Variants in PCDH15 observed in about 807,000 individuals in gnomAD.
PCDH15 encodes the protein protocadherin related 15.
In PCDH15, 129 loss-of-function variants were observed where a neutral mutation model predicts 178.5. That is an observed-to-expected ratio of 0.72 (90% CI 0.63 to 0.84). The LOEUF is 0.84. Among genes scored for constraint, PCDH15 ranks in the 40% least tolerant of loss-of-function variants. The pLI is 0.00. For synonymous variants in PCDH15, 800 were observed against 732.0 expected (o/e 1.09, Z -1.50); for missense variants, 2,230 against 2,099.9 (o/e 1.06, Z -1.21).
At chr10:55,168,624 C>T (rs760159281) in intron 1 of PCDH15, among the ~76,000 whole-genome samples, 10 of 152,196 alleles carry the variant, frequency 6.6e-5, no homozygotes, top group Middle Eastern at 3.4e-3. Flanking sequence ...CAGTGGGTGG[C>T]TTATGATTTC....
intron 3 of PCDH15, among the ~76,000 whole-genome samples, chr10:54,895,729 A>T (rs545434504): frequency 6.6e-6 from 1 of 152,348 alleles, no homozygotes; most frequent in Non-Finnish European, 1.5e-5. Context: ...TTTGGGAACC[A>T]AAGAAACAAT....
At chr10:55,581,010 C>T (rs1003840702) in intron 2 of PCDH15, among the ~76,000 whole-genome samples, 9 of 152,168 alleles carry the variant, frequency 5.9e-5, no homozygotes, top group Admixed American at 4.6e-4. Context: ...ATCCAATTCT[C>T]TGAAGATGCA....
At chr10:54,035,813 C>G (rs979209643) in intron 18 of PCDH15, among the ~76,000 whole-genome samples, 1 of 151,934 alleles carries the variant, frequency 6.6e-6, no homozygotes, top group Non-Finnish European at 1.5e-5. Flanking sequence ...AAAACTTGGC[C>G]TCTTGTGCCA....
chr10:53,899,927 G>C (rs1471151362), intron 26 of PCDH15, among the ~76,000 whole-genome samples: 2 of 152,064 alleles, frequency 1.3e-5, no homozygotes, highest in Non-Finnish European at 2.9e-5. Flanking sequence ...CTATCACTCA[G>C]ATACGCTCTG....
At chr10:55,478,931 C>A (rs10825524) in intron 2 of PCDH15, among the ~76,000 whole-genome samples, 1 of 131,136 alleles carries the variant, frequency 7.6e-6, no homozygotes, top group Non-Finnish European at 1.6e-5. Context: ...AATTGAATCA[C>A]AAAGATAAAA....
chr10:54,019,117 C>T (rs1195092308), intron 20 of PCDH15, among the ~76,000 whole-genome samples: 1 of 151,904 alleles, frequency 6.6e-6, no homozygotes, highest in Non-Finnish European at 1.5e-5. Flanking sequence ...CTGACCAGCC[C>T]TTTTTCATCA....
chr10:55,595,154 A>G lies in PCDH15; in HGVS notation c.-156+32471T>C, dbSNP rs559973999. Among the ~76,000 whole-genome samples, 14 of 152,188 alleles carry G rather than the reference A, an allele frequency of 9.2e-5. No homozygotes were observed. In the East Asian group the frequency reaches 9.6e-4, roughly 10 times the overall value. ...CTTTGAAATTTTATTCTAACCATCAATCATAATGGTATAGTATGATAAAGG... is the reference window on the plus strand; with the variant it reads ...CTTTGAAATTTTATTCTAACCATCAGTCATAATGGTATAGTATGATAAAGG... On this transcript the variant is annotated intron_variant, in intron 2 of 5. Coordinates refer to the PCDH15 transcript ENST00000613346.
chr10:54,943,796 C>T (rs116994689), intron 2 of PCDH15, among the ~76,000 whole-genome samples: 11 of 150,930 alleles, frequency 7.3e-5, no homozygotes, highest in Non-Finnish European at 1.3e-4. Flanking sequence ...AAAAAAAGCA[C>T]GATCTTAAGA....
intron 20 of PCDH15, among the ~76,000 whole-genome samples, chr10:53,996,205 T>A (rs112223144): frequency 9.2e-6 from 1 of 108,556 alleles, no homozygotes; most frequent in Non-Finnish European, 1.9e-5. Context: ...ATACTTAGCA[T>A]AATACTGACT....
At chr10:54,419,298 A>G (rs979889521) in intron 3 of PCDH15, among the ~76,000 whole-genome samples, 5 of 151,844 alleles carry the variant, frequency 3.3e-5, no homozygotes, top group Non-Finnish European at 7.4e-5. Flanking sequence ...TCCAACTCCA[A>G]TTCTTTCATA....
intron 2 of PCDH15, among the ~76,000 whole-genome samples, chr10:55,341,801 ATATATTTTTTTTTTTTTTT>A (rs1244473738): frequency 1.6e-3 from 18 of 11,376 alleles, no homozygotes; most frequent in African/African-American, 6.6e-3. Flanking sequence ...ATATATATAT[ATATATTTTTTTTTTTTTTT>A]TTTTTTTTTT....
intron 9 of PCDH15, among the ~76,000 whole-genome samples, chr10:54,220,060 A>C (rs116327786): frequency 0.033 from 4,962 of 152,238 alleles, 120 homozygotes; most frequent in Middle Eastern, 0.075. Context: ...AATATAATTT[A>C]TCATTTGCTT....
chr10:55,492,752 C>A (rs1427904184), intron 2 of PCDH15, among the ~76,000 whole-genome samples: 1 of 151,728 alleles, frequency 6.6e-6, no homozygotes, highest in Non-Finnish European at 1.5e-5. Flanking sequence ...GCAGAAAAAA[C>A]TTCAAAGCAG....
At chr10:55,506,214 A>G (rs1351535636) in intron 2 of PCDH15, 2 of 151,384 alleles carry the variant, frequency 1.3e-5, no homozygotes, top group African/African-American at 4.8e-5. Context: ...CTAGATAACT[A>G]AGTAGATGGT....
chr10:54,986,879 C>T (rs763073145), intron 2 of PCDH15, among the ~76,000 whole-genome samples: 1 of 151,978 alleles, frequency 6.6e-6, no homozygotes, highest in Admixed American at 6.6e-5. Flanking sequence ...CTATAATTTC[C>T]TGAAAAACTT....
intron 26 of PCDH15, among the ~76,000 whole-genome samples, chr10:53,901,163 A>AT (rs80320280): frequency 0.51 from 77,730 of 151,158 alleles, 21,278 homozygotes; most frequent in Middle Eastern, 0.68. Flanking sequence ...TAGTCTTCGT[A>AT]TTTTTTTTGT....
chr10:54,526,143 G>A (rs759809123), intron 3 of PCDH15, among the ~76,000 whole-genome samples: 10 of 152,156 alleles, frequency 6.6e-5, no homozygotes, highest in East Asian at 1.9e-4. Flanking sequence ...CAACATCTTC[G>A]TAGAGTTCCT....
At chr10:55,262,455 G>A (rs2084009) in intron 1 of PCDH15, among the ~76,000 whole-genome samples, 40,959 of 151,942 alleles carry the variant, frequency 0.27, 5,816 homozygotes, top group East Asian at 0.54. Context: ...AGCGGGCAGA[G>A]ACACACAGGC....
intron 18 of PCDH15, among the ~76,000 whole-genome samples, chr10:54,035,511 A>T (rs1402990028): frequency 6.6e-6 from 1 of 151,872 alleles, no homozygotes. Flanking sequence ...TATGAGAGCA[A>T]ATTTAATTAA....
Sources: gnomAD v4.1 joint callset for allele counts (sites outside exome capture counted in the v4.1 genomes callset) on GRCh38, gnomAD v4.1.1 for gene constraint, MANE v1.5 for transcripts, NCBI Gene and HGNC (gene_info 2026-07-23, HGNC 2026-07-21) for gene names.